KIF15: variants seen among roughly 807,000 people sequenced by gnomAD.
KIF15 encodes the protein kinesin-like protein KIF15.
KIF15 carries 140 observed loss-of-function variants against 190.6 expected under a neutral mutation model. The ratio of observed to expected loss-of-function variants is 0.73; its 90% CI spans 0.64 to 0.84. The LOEUF (loss-of-function observed/expected upper bound fraction) is 0.84. Among genes scored for constraint, KIF15 ranks in the 40% least tolerant of loss-of-function variants. KIF15 has a pLI of 0.00. For synonymous variants in KIF15, 528 were observed against 551.3 expected, an observed-to-expected ratio of 0.96 and a Z score of 0.59; for missense variants, 1,372 against 1,584.4, an observed-to-expected ratio of 0.87 and a Z score of 2.28.
Position 44,814,927 on chromosome 3 carries a change from A to T in KIF15, c.2400A>T (p.Val800=). The change falls in exon 20 of 35, where the codon GTA becomes GTT. Residue 800 remains valine, a synonymous_variant. Transcript: ENST00000326047. ...QTKNDFLKSE[V]HDLRVVLHSA... is the part of the protein sequence containing the mutation. ...GTTTTTTAGTTTTGAAAAGTGAGGT[A>T]CATGACCTGCGAGTAGTCCTTCATT... The T allele has an allele frequency of 6.2e-7, 1 of 1,602,480 alleles. No homozygotes were observed. Among genetic ancestry groups the T allele is most frequent in the Non-Finnish European group, 8.5e-7 (1 of 1,176,760 alleles).
chr3:44,818,643 G>C (rs1708132004), intron 20 of KIF15, among the ~76,000 whole-genome samples: 1 of 152,152 alleles, frequency 6.6e-6, no homozygotes, highest in Admixed American at 6.5e-5. Context: ...GATTCACTTT[G>C]CCAGTATTTT....
intron 30 of KIF15, among the ~76,000 whole-genome samples, chr3:44,846,566 A>G (rs1484845678): frequency 6.6e-6 from 1 of 152,054 alleles, no homozygotes; most frequent in Non-Finnish European, 1.5e-5. Flanking sequence ...TGAGGTCAGG[A>G]GTTTGAGACC....
chr3:44,851,475 A>G (rs1433728176), intron 32 of KIF15, among the ~76,000 whole-genome samples: 1 of 152,264 alleles, frequency 6.6e-6, no homozygotes, highest in Non-Finnish European at 1.5e-5. Flanking sequence ...TAAACCATGC[A>G]GATTATAATA....
chr3:44,866,364 A>G (rs2125741206), intron 6 of KIF15, among the ~76,000 whole-genome samples: 1 of 152,156 alleles, frequency 6.6e-6, no homozygotes, highest in African/African-American at 2.4e-5. Flanking sequence ...GAGCCACTGC[A>G]CCTGGCCCCC....
At chr3:44,772,954 A>C (rs927183718) in intron 1 of KIF15, among the ~76,000 whole-genome samples, 1 of 152,174 alleles carries the variant, frequency 6.6e-6, no homozygotes, top group African/African-American at 2.4e-5. Context: ...GGACCTATGG[A>C]GTCCTATGCC....
intron 26 of KIF15, among the ~76,000 whole-genome samples, chr3:44,837,274 A>C (rs1424416217): frequency 1.3e-5 from 2 of 152,334 alleles, no homozygotes; most frequent in African/African-American, 4.8e-5. Context: ...GTTTATGTTC[A>C]GCCTTTGGGG....
chr3:44,808,227 C>G (rs1439180160), intron 16 of KIF15, among the ~76,000 whole-genome samples: 1 of 152,172 alleles, frequency 6.6e-6, no homozygotes, highest in Non-Finnish European at 1.5e-5. Flanking sequence ...AGCCCCTTAG[C>G]ACAATGGAAT....
At chr3:44,865,048 G>C in intron 6 of KIF15, 1 of 1,614,116 alleles carries the variant, frequency 6.2e-7, no homozygotes, top group Non-Finnish European at 8.5e-7. Context: ...AGGCCTTCCT[G>C]GGCTATGTGC....
At chr3:44,824,772 G>T (rs1327552044) in intron 20 of KIF15, among the ~76,000 whole-genome samples, 2 of 151,966 alleles carry the variant, frequency 1.3e-5, no homozygotes, top group Non-Finnish European at 2.9e-5. Context: ...TTGTTTGTTT[G>T]TTTTTGAGAC....
At chr3:44,765,691 G>GTAGC (rs1336244631) in intron 1 of KIF15, among the ~76,000 whole-genome samples, 3 of 152,162 alleles carry the variant, frequency 2.0e-5, no homozygotes, top group African/African-American at 7.2e-5. Flanking sequence ...TGACTCCAGT[G>GTAGC]TAGCTACTCC....
intron 18 of KIF15, 65 bp downstream of exon 18, chr3:44,812,354 A>ATGTT: frequency 2.1e-5 from 22 of 1,033,630 alleles, no homozygotes; most frequent in Non-Finnish European, 3.0e-5. Context: ...TTGAGGAAAC[A>ATGTT]TCCTCAAGGA....
intron 19 of KIF15, 86 bp downstream of exon 19, chr3:44,813,266 A>G (rs574117403): frequency 2.5e-4 from 181 of 733,362 alleles, no homozygotes; most frequent in Non-Finnish European, 3.6e-4. Context: ...TGCTGTTCCT[A>G]TGTTTTTGGA....
intron 20 of KIF15, among the ~76,000 whole-genome samples, chr3:44,818,925 G>A (rs1365015416): frequency 6.6e-6 from 1 of 152,186 alleles, no homozygotes; most frequent in African/African-American, 2.4e-5. Context: ...TTCAGAGCCT[G>A]TTATTGGTGT....
intron 28 of KIF15, 107 bp from the exon 29 acceptor site, chr3:44,840,967 C>A: frequency 9.1e-7 from 1 of 1,098,510 alleles, no homozygotes; most frequent in Non-Finnish European, 1.3e-6. Context: ...AGCCACCATG[C>A]CCAGCCGTAG....
At chr3:44,809,751 C>T (rs1707703031) in intron 16 of KIF15, among the ~76,000 whole-genome samples, 1 of 151,672 alleles carries the variant, frequency 6.6e-6, no homozygotes, top group African/African-American at 2.4e-5. Context: ...CTCCTGATAC[C>T]TAAAATTTCC....
At chr3:44,848,589 T>C (rs964188541) in intron 32 of KIF15, 31 bp downstream of exon 32, 2 of 1,101,392 alleles carry the variant, frequency 1.8e-6, no homozygotes, top group Non-Finnish European at 2.6e-6. Flanking sequence ...TTTAAAATCT[T>C]GATCATCTTT....
At chr3:44,845,565 A>G (rs1698811235) in intron 30 of KIF15, among the ~76,000 whole-genome samples, 1 of 152,206 alleles carries the variant, frequency 6.6e-6, no homozygotes, top group Admixed American at 6.5e-5. Flanking sequence ...GGCTGAGGCT[A>G]CTATGTTGCC....
At chr3:44,852,538 G>A (rs1403581865) in intron 34 of KIF15, 135 bp from the exon 35 acceptor site, 18 of 818,550 alleles carry the variant, frequency 2.2e-5, no homozygotes, top group Non-Finnish European at 3.4e-5. Flanking sequence ...GCAGATTCTT[G>A]TTTAACGTTT....
At chr3:44,835,162 C>A (rs899917610) in intron 26 of KIF15, among the ~76,000 whole-genome samples, 1 of 151,982 alleles carries the variant, frequency 6.6e-6, no homozygotes, top group African/African-American at 2.4e-5. Flanking sequence ...ATAAAAGGAT[C>A]TAAAGGGAGA....
Sources: gnomAD v4.1 joint callset for allele counts (sites outside exome capture counted in the v4.1 genomes callset) on GRCh38, gnomAD v4.1.1 for gene constraint, MANE v1.5 for transcripts, NCBI Gene and HGNC (gene_info 2026-07-23, HGNC 2026-07-21) for gene names.